The following SPOCK3 variants were observed in gnomAD, a reference collection of about 807,000 sequenced individuals.
The protein encoded by SPOCK3 is SPARC (osteonectin), cwcv and kazal like domains proteoglycan 3, also known as testican-3.
A neutral mutation model predicts 56.6 loss-of-function variants in SPOCK3; 30 were observed. The observed-to-expected ratio is 0.53, with a 90% confidence interval of 0.40 to 0.72. SPOCK3 has a LOEUF of 0.72. Ranked by LOEUF, SPOCK3 falls within the 30% of genes least tolerant of loss-of-function variation. SPOCK3 has a pLI of 0.00. For missense variants in SPOCK3, 527 were observed against 530.0 expected (o/e 0.99, Z 0.06); for synonymous variants, 196 against 183.3 (o/e 1.07, Z -0.56).
chr4:167,087,402 C>T (rs990165156), intron 2 of SPOCK3, among the ~76,000 whole-genome samples: 4 of 152,090 alleles, frequency 2.6e-5, no homozygotes, highest in East Asian at 1.9e-4. Context: ...AAATACAGAA[C>T]GCAATTATTC....
intron 4 of SPOCK3, among the ~76,000 whole-genome samples, chr4:166,957,819 A>T (rs1418884267): frequency 6.6e-6 from 1 of 152,124 alleles, no homozygotes; most frequent in Non-Finnish European, 1.5e-5. Context: ...TCCAATGTCT[A>T]TGCCCTCATT....
chr4:167,083,639 G>A (rs894858415), intron 2 of SPOCK3, among the ~76,000 whole-genome samples: 1 of 152,042 alleles, frequency 6.6e-6, no homozygotes. Context: ...AAATGCTGTG[G>A]TCAAACTAGG....
intron 4 of SPOCK3, among the ~76,000 whole-genome samples, chr4:166,932,673 T>A (rs1031564942): frequency 7.2e-5 from 11 of 152,128 alleles, no homozygotes; most frequent in Non-Finnish European, 2.9e-5. Flanking sequence ...GAGAAAAAAA[T>A]TTAAATTAAT....
chr4:167,071,651 T>A (rs1182792791), intron 2 of SPOCK3, among the ~76,000 whole-genome samples: 2 of 152,066 alleles, frequency 1.3e-5, no homozygotes, highest in Non-Finnish European at 2.9e-5. Context: ...GTCCCAAGTC[T>A]TTGATATTGT....
intron 2 of SPOCK3, among the ~76,000 whole-genome samples, chr4:167,121,755 G>A (rs142213107): frequency 2.0e-5 from 3 of 152,222 alleles, no homozygotes; most frequent in African/African-American, 7.2e-5. Flanking sequence ...ATAGCCTGCT[G>A]TTCCAAACAT....
intron 3 of SPOCK3, among the ~76,000 whole-genome samples, chr4:167,045,630 T>C (rs1051215722): frequency 6.6e-6 from 1 of 152,104 alleles, no homozygotes; most frequent in East Asian, 1.9e-4. Context: ...CATGTATTTA[T>C]AAGTAATCCA....
In SPOCK3 at chr4:167,128,115, G is replaced by A. The variant is rs117439862; in HGVS notation, c.190-65578C>T. Among the ~76,000 whole-genome samples the A allele has an allele frequency of 6.3e-4, 96 of 152,128 alleles. No individual in the cohort carries two copies. In the East Asian group the frequency reaches 0.016, roughly 25 times the overall value. On this transcript the variant is annotated intron_variant, in intron 2 of 10. Coordinates refer to ENST00000357545, the MANE Select transcript of SPOCK3 (RefSeq NM_001040159.2). ...ATCTTTGCTTTCAGCAGATAAAATT[G>A]TTCAAGCTTCTTTTCCATGCATAAA...
At chr4:167,150,696 T>G (rs955751438) in intron 2 of SPOCK3, among the ~76,000 whole-genome samples, 8 of 152,138 alleles carry the variant, frequency 5.3e-5, no homozygotes, top group Non-Finnish European at 1.0e-4. Flanking sequence ...GTAAGGACAT[T>G]ATGTTTGATC....
chr4:166,950,548 T>C (rs1025614470), intron 4 of SPOCK3, among the ~76,000 whole-genome samples: 2 of 151,782 alleles, frequency 1.3e-5, no homozygotes, highest in Non-Finnish European at 2.9e-5. Context: ...TTAACAAGAA[T>C]ACCCAGGAAT....
intron 2 of SPOCK3, among the ~76,000 whole-genome samples, chr4:167,178,321 A>G (rs914009337): frequency 3.9e-5 from 6 of 152,178 alleles, no homozygotes; most frequent in Admixed American, 2.0e-4. Flanking sequence ...CATTGTTTAA[A>G]TAATTTAACA....
At chr4:167,109,408 AATAT>A (rs545603094) in intron 2 of SPOCK3, among the ~76,000 whole-genome samples, 1 of 87,460 alleles carries the variant, frequency 1.1e-5, no homozygotes, top group Non-Finnish European at 2.1e-5. Context: ...TTTATATATA[AATAT>A]ATATATAAAT....
At chr4:166,991,378 T>TTTATTTAC (rs1554015701) in intron 4 of SPOCK3, among the ~76,000 whole-genome samples, 4 of 150,860 alleles carry the variant, frequency 2.7e-5, no homozygotes, top group African/African-American at 9.7e-5. Flanking sequence ...TATTTATTTA[T>TTTATTTAC]TTATGTTTTG....
At chr4:166,938,955 C>CAA (rs1554005598) in intron 4 of SPOCK3, among the ~76,000 whole-genome samples, 1 of 148,328 alleles carries the variant, frequency 6.7e-6, no homozygotes, top group Non-Finnish European at 1.5e-5. Flanking sequence ...CATACACACA[C>CAA]CACACACACA....
At chr4:166,873,996 C>T (rs1732788559) in intron 6 of SPOCK3, among the ~76,000 whole-genome samples, 1 of 152,100 alleles carries the variant, frequency 6.6e-6, no homozygotes, top group South Asian at 2.1e-4. Context: ...CTTGTAGTAG[C>T]TTTTGTCCCA....
rs560930759 is a variant in SPOCK3, at chr4:167,121,919, T to G, written c.190-59382A>C. Among the ~76,000 whole-genome samples the G allele has an allele frequency of 7.9e-5, 12 of 152,138 alleles. No individual in the cohort carries two copies. The East Asian group carries it at 1.2e-3, about 15-fold the overall frequency. ...TCATACATAAAAATCATGAATAAAA[T>G]GTACAATCATTCACATAATGTCAGA... On this transcript the variant is annotated intron_variant, in intron 2 of 10. Coordinates refer to ENST00000357545, the MANE Select transcript of SPOCK3 (RefSeq NM_001040159.2).
chr4:166,993,920 T>C (rs1438120263), intron 4 of SPOCK3, among the ~76,000 whole-genome samples: 1 of 152,170 alleles, frequency 6.6e-6, no homozygotes, highest in Non-Finnish European at 1.5e-5. Flanking sequence ...CAGAGGGAGA[T>C]ACATAGTATA....
At chr4:166,987,475 A>G (rs912692772) in intron 4 of SPOCK3, among the ~76,000 whole-genome samples, 6 of 151,984 alleles carry the variant, frequency 3.9e-5, no homozygotes, top group African/African-American at 1.4e-4. Flanking sequence ...TCTGTCTTCC[A>G]CTCCAAAATG....
intron 7 of SPOCK3, among the ~76,000 whole-genome samples, chr4:166,789,505 C>G (rs532721034): frequency 6.6e-6 from 1 of 152,058 alleles, no homozygotes; most frequent in South Asian, 2.1e-4. Flanking sequence ...ATTAAAAAAT[C>G]AAAACCAAAC....
intron 6 of SPOCK3, among the ~76,000 whole-genome samples, chr4:166,875,615 T>C (rs1732991784): frequency 6.6e-6 from 1 of 152,146 alleles, no homozygotes; most frequent in Non-Finnish European, 1.5e-5. Context: ...CATATAGCTG[T>C]AGTGAAGAAA....
Sources: allele counts gnomAD v4.1 joint callset (sites outside exome capture counted in the v4.1 genomes callset), GRCh38; gene constraint gnomAD v4.1.1; transcripts MANE v1.5; gene names NCBI Gene and HGNC (gene_info 2026-07-23, HGNC 2026-07-21).